SLC8A1: variants seen among roughly 807,000 people sequenced by gnomAD.
SLC8A1 encodes the protein sodium/calcium exchanger 1.
SLC8A1 carries 18 observed loss-of-function variants against 68.3 expected under a neutral mutation model. That is an observed-to-expected ratio of 0.26 (90% CI 0.18 to 0.39). SLC8A1 has a LOEUF of 0.39. SLC8A1 is among the 10% of genes least tolerant of loss of function. The probability of loss-of-function intolerance (pLI) is 1.00; values close to 1 mark genes in which losing one functional copy is unlikely to be tolerated. For missense variants in SLC8A1, 985 were observed against 1,156.7 expected (o/e 0.85, Z 2.15); for synonymous variants, 475 against 415.5 (o/e 1.14, Z -1.74).
chr2:40,451,136 A>G (rs1187759719), intron 1 of SLC8A1, among the ~76,000 whole-genome samples: 4 of 152,186 alleles, frequency 2.6e-5, no homozygotes, highest in African/African-American at 7.2e-5. Context: ...GCCAAAAAGG[A>G]TATCTTCACA....
At chr2:40,296,756 A>G (rs1357396613) in intron 2 of SLC8A1, among the ~76,000 whole-genome samples, 1 of 152,216 alleles carries the variant, frequency 6.6e-6, no homozygotes, top group Non-Finnish European at 1.5e-5. Flanking sequence ...TCCTGTGGGA[A>G]ACGTTTGTTG....
chr2:40,401,006 C>A lies in SLC8A1; in HGVS notation c.1808+27467G>T, dbSNP rs1052812289. Among the ~76,000 whole-genome samples, 10 of 152,174 alleles carry A rather than the reference C, an allele frequency of 6.6e-5. No individual in the cohort carries two copies. The South Asian group carries it at 1.2e-3, about 19-fold the overall frequency. ...GCCACGAGGAGGAGGACATCTGTAT[C>A]TTGTATTTGCATGGTGTTTTACAGT... On this transcript the variant is annotated intron_variant, in intron 2 of 7. Coordinates refer to ENST00000406785, the Ensembl canonical transcript of SLC8A1.
intron 2 of SLC8A1, among the ~76,000 whole-genome samples, chr2:40,234,393 CTCTGTTTG>C (rs2060087122): frequency 6.6e-6 from 1 of 151,938 alleles, no homozygotes; most frequent in Non-Finnish European, 1.5e-5. Flanking sequence ...TGATTTGGCT[CTCTGTTTG>C]TCTGTTGTTG....
At chr2:40,503,533 T>C (rs889056181) in intron 1 of SLC8A1, among the ~76,000 whole-genome samples, 1 of 152,010 alleles carries the variant, frequency 6.6e-6, no homozygotes, top group Non-Finnish European at 1.5e-5. Flanking sequence ...TGTTTGCCGA[T>C]GATACAATCT....
At chr2:40,409,334 T>A (rs950694750) in intron 2 of SLC8A1, among the ~76,000 whole-genome samples, 1 of 152,040 alleles carries the variant, frequency 6.6e-6, no homozygotes, top group Non-Finnish European at 1.5e-5. Flanking sequence ...ATAGTTGGAG[T>A]AAAGAGAAAA....
At chr2:40,270,580 C>G (rs2065905783) in intron 2 of SLC8A1, among the ~76,000 whole-genome samples, 1 of 152,196 alleles carries the variant, frequency 6.6e-6, no homozygotes, top group Admixed American at 6.5e-5. Flanking sequence ...TTGCATTTCC[C>G]TCTGACTCTA....
At chr2:40,387,289 C>G (rs1683867794) in intron 2 of SLC8A1, among the ~76,000 whole-genome samples, 1 of 151,394 alleles carries the variant, frequency 6.6e-6, no homozygotes, top group Non-Finnish European at 1.5e-5. Context: ...TAGATCACCA[C>G]CTTATTTTAG....
At chr2:40,402,896 C>G (rs1373513796) in intron 2 of SLC8A1, among the ~76,000 whole-genome samples, 1 of 152,188 alleles carries the variant, frequency 6.6e-6, no homozygotes, top group Non-Finnish European at 1.5e-5. Flanking sequence ...TTGCTATTAG[C>G]TACCAACACA....
chr2:40,416,995 T>C (rs1694069479), intron 2 of SLC8A1, among the ~76,000 whole-genome samples: 2 of 152,024 alleles, frequency 1.3e-5, no homozygotes, highest in Admixed American at 1.3e-4. Flanking sequence ...AAATGATAAT[T>C]TACCAACCTC....
At chr2:40,241,899 A>G (rs2061272547) in intron 2 of SLC8A1, among the ~76,000 whole-genome samples, 1 of 152,172 alleles carries the variant, frequency 6.6e-6, no homozygotes, top group Non-Finnish European at 1.5e-5. Context: ...TATTCTAAAA[A>G]CAATATGTTT....
rs180724946 is a variant in SLC8A1 at position 40,183,586 on chromosome 2, T to A, written c.1809-5731A>T. On this transcript the variant is annotated intron_variant, in intron 2 of 7. Transcript: ENST00000406785. ...GGGACTTGTTAGAATTGCAGAATCATAGGCTCCATCCAGGCCCACAGAATC... is the reference window on the plus strand; with the variant it reads ...GGGACTTGTTAGAATTGCAGAATCAAAGGCTCCATCCAGGCCCACAGAATC... Among the ~76,000 whole-genome samples, 256 of 152,316 alleles carry A rather than the reference T, an allele frequency of 1.7e-3. 4 individuals are homozygous for A. The highest frequency in any genetic ancestry group is 5.8e-3 in the African/African-American group (243 of 41,568).
intron 2 of SLC8A1, among the ~76,000 whole-genome samples, chr2:40,293,601 C>G (rs576897531): frequency 1.3e-5 from 2 of 152,198 alleles, no homozygotes; most frequent in Non-Finnish European, 2.9e-5. Context: ...TCTAGCTTTA[C>G]AGGGCTTTTT....
chr2:40,269,500 C>A (rs2065758917), intron 2 of SLC8A1, among the ~76,000 whole-genome samples: 1 of 152,196 alleles, frequency 6.6e-6, no homozygotes, highest in African/African-American at 2.4e-5. Context: ...GACAATAAAA[C>A]TGATCAGAAA....
At chr2:40,158,576 G>GAGTT (rs375772290) in intron 6 of SLC8A1, among the ~76,000 whole-genome samples, 2 of 152,266 alleles carry the variant, frequency 1.3e-5, no homozygotes, top group African/African-American at 4.8e-5. Context: ...CTCTAGGCAG[G>GAGTT]AGTTAGTTCC....
intron 2 of SLC8A1, among the ~76,000 whole-genome samples, chr2:40,378,845 C>A (rs1225565174): frequency 6.6e-6 from 1 of 152,210 alleles, no homozygotes; most frequent in East Asian, 1.9e-4. Context: ...AGGTTGAGCT[C>A]AATGCCACCT....
intron 2 of SLC8A1, among the ~76,000 whole-genome samples, chr2:40,388,546 A>G (rs1219112036): frequency 1.3e-5 from 2 of 151,990 alleles, no homozygotes; most frequent in Non-Finnish European, 2.9e-5. Flanking sequence ...AAAGAAAATC[A>G]CTCTATGCAT....
At chr2:40,436,317 T>C (rs1043313578) in intron 1 of SLC8A1, among the ~76,000 whole-genome samples, 1 of 152,156 alleles carries the variant, frequency 6.6e-6, no homozygotes, top group Non-Finnish European at 1.5e-5. Context: ...AACCAGAATC[T>C]GGGAAATGGG....
intron 2 of SLC8A1, among the ~76,000 whole-genome samples, chr2:40,327,973 A>G (rs762067772): frequency 6.6e-6 from 1 of 152,008 alleles, no homozygotes; most frequent in Non-Finnish European, 1.5e-5. Context: ...AAAATACAGT[A>G]TTTGCCCTGA....
At chr2:40,417,144 A>G (rs1278733737) in intron 2 of SLC8A1, among the ~76,000 whole-genome samples, 5 of 152,002 alleles carry the variant, frequency 3.3e-5, no homozygotes, top group African/African-American at 4.8e-5. Context: ...AGTATGACCA[A>G]TTGTTATTTT....
Sources: gnomAD v4.1 joint callset for allele counts (sites outside exome capture counted in the v4.1 genomes callset) on GRCh38, gnomAD v4.1.1 for gene constraint, MANE v1.5 for transcripts, NCBI Gene and HGNC (gene_info 2026-07-23, HGNC 2026-07-21) for gene names.